Variants in GLRA2 observed in about 807,000 individuals in gnomAD.
GLRA2 encodes glycine receptor subunit alpha-2.
In GLRA2, 11 loss-of-function variants were observed where a neutral mutation model predicts 31.6. That is an observed-to-expected ratio of 0.35 (90% confidence interval 0.22 to 0.58). The LOEUF is 0.58. Ranked by LOEUF, GLRA2 falls within the 20% of genes least tolerant of loss-of-function variation. The probability of loss-of-function intolerance (pLI) is 0.84; values close to 1 mark genes in which losing one functional copy is unlikely to be tolerated. For synonymous variants in GLRA2, 132 were observed against 134.0 expected (o/e 0.99, Z 0.10); for missense variants, 212 against 351.8 (o/e 0.60, Z 3.18).
At chrX:14,539,288 C>T (rs1269521953) in intron 2 of GLRA2, among the ~76,000 whole-genome samples, 1 of 110,969 alleles carries the variant, frequency 9.0e-6, no homozygotes, top group Non-Finnish European at 1.9e-5. Flanking sequence ...TTTGACGAAG[C>T]CTCAATAACA....
intron 8 of GLRA2, among the ~76,000 whole-genome samples, chrX:14,717,816 C>T (rs1490919140): frequency 9.2e-6 from 1 of 108,978 alleles, no homozygotes. Flanking sequence ...TTAGATTACT[C>T]AGTTATGAAT....
At chrX:14,593,353 C>T (rs762190042) in intron 4 of GLRA2, among the ~76,000 whole-genome samples, 10 of 111,964 alleles carry the variant, frequency 8.9e-5, no homozygotes, top group East Asian at 5.6e-4. Context: ...TTATTAAGTA[C>T]GTATATTAAT....
intron 2 of GLRA2, among the ~76,000 whole-genome samples, chrX:14,569,884 T>C (rs1018027556): frequency 5.3e-5 from 6 of 112,583 alleles, no homozygotes; most frequent in African/African-American, 1.9e-4. Context: ...AATAATGTTT[T>C]ATACATACAT....
chrX:14,621,528 G>A (rs749998280), intron 7 of GLRA2, among the ~76,000 whole-genome samples: 8 of 105,830 alleles, frequency 7.6e-5, no homozygotes, highest in South Asian at 9.0e-4. Context: ...CCCAGCCCCC[G>A]ACAGGCCCCG....
chrX:14,546,475 C>T (rs3027327), intron 2 of GLRA2, among the ~76,000 whole-genome samples: 64 of 111,159 alleles, frequency 5.8e-4, no homozygotes, highest in African/African-American at 1.9e-3. Context: ...TGACTTGGGG[C>T]AAATATCCTA....
intron 2 of GLRA2, among the ~76,000 whole-genome samples, chrX:14,535,959 C>T (rs2089317814): frequency 8.9e-6 from 1 of 112,044 alleles, no homozygotes; most frequent in Non-Finnish European, 1.9e-5. Context: ...ATTAACTTAG[C>T]GTTACATCCT....
intron 8 of GLRA2, among the ~76,000 whole-genome samples, chrX:14,691,338 CGTGT>C (rs1427170316): frequency 2.1e-5 from 2 of 93,371 alleles, no homozygotes; most frequent in Non-Finnish European, 2.1e-5. Flanking sequence ...CGCGTGCGTG[CGTGT>C]ACATCACTGA....
chrX:14,701,119 G>C (rs1438257698), intron 8 of GLRA2, among the ~76,000 whole-genome samples: 2 of 110,885 alleles, frequency 1.8e-5, no homozygotes, highest in Non-Finnish European at 3.8e-5. Context: ...AGAATAAAGA[G>C]GGAGGTGACA....
Position 14,582,225 on chromosome X carries a change from C to A in GLRA2, c.494+819C>A, listed in dbSNP as rs190036915. 3.2e-3 allele frequency among the ~76,000 whole-genome samples: 249 copies of A among 77,900 alleles called. 5 individuals carry two copies. Among genetic ancestry groups the A allele is most frequent in the African/African-American group, 0.011 (230 of 20,190 alleles). The allele number at this position is 77,900 out of a possible 115,157, so 67.6% of individuals were successfully genotyped here. A position where few individuals can be genotyped will look rare whatever the true frequency, so the allele number is the denominator to read the frequency against. ...CAATGCTATCCCTCCCCCTCCCCAC[C>A]CCCACAACAGTCCCCAGAGTGTGAT... On this transcript the variant is annotated intron_variant, in intron 4 of 8. Transcript: ENST00000218075.
intron 7 of GLRA2, among the ~76,000 whole-genome samples, chrX:14,653,972 A>G (rs2090915264): frequency 9.0e-6 from 1 of 111,622 alleles, no homozygotes; most frequent in Non-Finnish European, 1.9e-5. Context: ...AAAAAGTTTG[A>G]AAATAAGCCA....
chrX:14,494,435 G>C, the GLRA2 span, among the ~76,000 whole-genome samples: 1 of 111,970 alleles, frequency 8.9e-6, no homozygotes, highest in Non-Finnish European at 1.9e-5. Flanking sequence ...CCATTGAACT[G>C]GTGAAGAAAG....
At chrX:14,591,806 C>T (rs2147078010) in intron 4 of GLRA2, among the ~76,000 whole-genome samples, 1 of 112,037 alleles carries the variant, frequency 8.9e-6, no homozygotes, top group East Asian at 2.8e-4. Context: ...ACCACTTGTC[C>T]TTAACTGTTT....
intron 7 of GLRA2, among the ~76,000 whole-genome samples, chrX:14,644,365 T>C (rs1254786433): frequency 8.9e-6 from 1 of 111,990 alleles, no homozygotes; most frequent in Non-Finnish European, 1.9e-5. Flanking sequence ...GTAGTTTTTT[T>C]TAGGAAGAGG....
At chrX:14,652,637 T>G (rs905282408) in intron 7 of GLRA2, among the ~76,000 whole-genome samples, 16 of 111,287 alleles carry the variant, frequency 1.4e-4, no homozygotes, top group Admixed American at 2.9e-4. Flanking sequence ...TATAATTTTT[T>G]GGGGGTACCA....
At chrX:14,712,071 T>C (rs756636322) in intron 8 of GLRA2, among the ~76,000 whole-genome samples, 1 of 112,995 alleles carries the variant, frequency 8.8e-6, no homozygotes, top group East Asian at 2.8e-4. Flanking sequence ...TAGCTTTCCT[T>C]CAATTGCCTT....
chrX:14,461,000 C>G, the GLRA2 span, among the ~76,000 whole-genome samples: 1 of 111,768 alleles, frequency 8.9e-6, no homozygotes, highest in Non-Finnish European at 1.9e-5. Flanking sequence ...GCATTTAGTG[C>G]TATAAATTTC....
the GLRA2 span, among the ~76,000 whole-genome samples, chrX:14,468,762 C>T: frequency 9.0e-6 from 1 of 111,218 alleles, no homozygotes; most frequent in Non-Finnish European, 1.9e-5. Flanking sequence ...AATGGTTGAA[C>T]TAGTTCACAG....
At chrX:14,477,026 A>G in the GLRA2 span, among the ~76,000 whole-genome samples, 1 of 111,894 alleles carries the variant, frequency 8.9e-6, no homozygotes, top group East Asian at 2.8e-4. Flanking sequence ...TCATCCCTAT[A>G]CTGAGGACCC....
At chrX:14,508,363 G>A in the GLRA2 span, among the ~76,000 whole-genome samples, 15,720 of 111,543 alleles carry the variant, frequency 0.14, 1,008 homozygotes, top group Non-Finnish European at 0.2. Context: ...TTTCATTGGC[G>A]GAGGAGAGGA....
Sources: gnomAD v4.1 joint callset for allele counts (sites outside exome capture counted in the v4.1 genomes callset) on GRCh38, gnomAD v4.1.1 for gene constraint, MANE v1.5 for transcripts, NCBI Gene and HGNC (gene_info 2026-07-23, HGNC 2026-07-21) for gene names.